The following GSE1 variants were observed in gnomAD, a reference collection of about 807,000 sequenced individuals.
GSE1 encodes the protein genetic suppressor element 1.
In GSE1, 32 loss-of-function variants were observed where a neutral mutation model predicts 112.6. The ratio of observed to expected loss-of-function variants is 0.28; its 90% confidence interval spans 0.21 to 0.38. The LOEUF is 0.38. GSE1 is among the 10% of genes least tolerant of loss of function. The pLI is 1.00. For synonymous variants in GSE1, 1,115 were observed against 735.6 expected, an observed-to-expected ratio of 1.52 and a Z score of -8.35; for missense variants, 2,348 against 1,699.2, an observed-to-expected ratio of 1.38 and a Z score of -6.71.
intron 2 of GSE1, among the ~76,000 whole-genome samples, chr16:85,391,059 G>A (rs2047828340): frequency 6.6e-6 from 1 of 151,600 alleles, no homozygotes; most frequent in Non-Finnish European, 1.5e-5. Flanking sequence ...CTGCTTAGCT[G>A]GTTTGATGCT....
intron 1 of GSE1, among the ~76,000 whole-genome samples, chr16:85,180,156 G>A (rs2074552508): frequency 6.6e-6 from 1 of 152,224 alleles, no homozygotes. Flanking sequence ...CCTGTCTGGC[G>A]TGGAGCCCTT....
chr16:85,459,218 CCA>C (rs2049911193), intron 2 of GSE1, among the ~76,000 whole-genome samples: 1 of 152,236 alleles, frequency 6.6e-6, no homozygotes, highest in South Asian at 2.1e-4. Flanking sequence ...ATTGCAAACG[CCA>C]CCCCCAGGCA....
At chr16:85,329,096 C>G (rs2046286245) in intron 1 of GSE1, among the ~76,000 whole-genome samples, 1 of 152,156 alleles carries the variant, frequency 6.6e-6, no homozygotes, top group African/African-American at 2.4e-5. Context: ...TGAACTCTGC[C>G]CTAGGCTCCT....
At chr16:85,614,198 C>T (rs1450924233) in intron 1 of GSE1, among the ~76,000 whole-genome samples, 3 of 152,076 alleles carry the variant, frequency 2.0e-5, no homozygotes, top group Non-Finnish European at 4.4e-5. Context: ...CCTTCCTGCT[C>T]CGCCTGGATG....
rs200749475 is a variant in GSE1 at position 85,657,307 on chromosome 16, C to T, written c.1343C>T (p.Pro448Leu). The T allele has an allele frequency of 5.3e-4, 848 of 1,591,618 alleles. 3 individuals carry two copies. The highest frequency in any genetic ancestry group is 1.9e-3 in the South Asian group (164 of 88,160). The change falls in exon 8 of 16, where the codon CCC becomes CTC. Residue 448 changes from proline (P) to leucine (L), a missense_variant. By Grantham distance (98) the Pro-to-Leu change is moderately conservative (BLOSUM62 -3). Transcript: ENST00000253458. The stretch of plus-strand genomic sequence containing the variant: ...CTGAAGGATGCCGGCCTGCAGGCGC[C>T]CAAGCCCGTCCAACACCCCTTGCAT... ...EKLKDAGLQA[P>L]KPVQHPLHPV...
intron 2 of GSE1, among the ~76,000 whole-genome samples, chr16:85,485,229 C>G (rs968236119): frequency 6.6e-6 from 1 of 152,238 alleles, no homozygotes; most frequent in Non-Finnish European, 1.5e-5. Context: ...GCCACCCACT[C>G]ACGGTTTCCC....
At position 85,616,550 on chromosome 16, in the gene GSE1, G is replaced by A. The variant is rs539031157; in HGVS notation, c.7+3152G>A. Among the ~76,000 whole-genome samples the A allele has an allele frequency of 4.5e-3, 692 of 152,350 alleles. 10 individuals are homozygous for A. Among genetic ancestry groups the A allele is most frequent in the African/African-American group, 0.016 (666 of 41,576 alleles). ...GTGAATTGTCTCTGTTGTGGCAACA[G>A]CAGGGTCCTCTGAAACCACAGGGCT... On this transcript the variant is annotated intron_variant, in intron 1 of 15. Transcript: ENST00000253458.
chr16:85,189,357 G>T (rs922494340), intron 1 of GSE1, among the ~76,000 whole-genome samples: 1 of 152,092 alleles, frequency 6.6e-6, no homozygotes, highest in Non-Finnish European at 1.5e-5. Flanking sequence ...GCTAAAATTT[G>T]AATTTTTACC....
At position 85,267,430 on chromosome 16, in the gene GSE1, G is replaced by C. The variant is rs902881323; in HGVS notation, c.2284-90033G>C. Among the ~76,000 whole-genome samples, 7 of 152,136 alleles carry C rather than the reference G, an allele frequency of 4.6e-5. 1 individual carries two copies. Among genetic ancestry groups the C allele is most frequent in the Admixed American group, 4.6e-4 (7 of 15,270 alleles). ...TCCCAAGGATACCTGGCATGGAGGG[G>C]CTGGCAGGAAGGAAAGGAGGGCAGT... On this transcript the variant is annotated intron_variant, in intron 1 of 2. Transcript: ENST00000637419.
chr16:85,434,333 A>ATC (rs1567483786), intron 2 of GSE1, among the ~76,000 whole-genome samples: 1 of 110,108 alleles, frequency 9.1e-6, no homozygotes, highest in Non-Finnish European at 2.0e-5. Context: ...TAATAATAAT[A>ATC]ATAATAATAA....
intron 2 of GSE1, among the ~76,000 whole-genome samples, chr16:85,547,652 G>T (rs933712200): frequency 6.6e-6 from 1 of 152,036 alleles, no homozygotes; most frequent in African/African-American, 2.4e-5. Context: ...AGGCCGGGGA[G>T]GGTGTATCAC....
chr16:85,368,375 C>T (rs2047229509), intron 2 of GSE1, among the ~76,000 whole-genome samples: 1 of 152,142 alleles, frequency 6.6e-6, no homozygotes, highest in East Asian at 1.9e-4. Flanking sequence ...GCCTGTTTCA[C>T]AACTGATTAG....
chr16:85,613,341 C>T lies in GSE1; in HGVS notation c.-51C>T, dbSNP rs368496384. On this transcript the variant is annotated 5_prime_UTR_variant, in exon 1 of 16. Transcript: ENST00000253458. ...ATAAGCAGTTTAGACAAACACTGGGCGACGGTGGCTCCAGCATGTATCAGC... is the reference window on the plus strand; with the variant it reads ...ATAAGCAGTTTAGACAAACACTGGGTGACGGTGGCTCCAGCATGTATCAGC... 3 of 1,561,076 alleles carry T rather than the reference C, an allele frequency of 1.9e-6. No homozygotes were observed. Among genetic ancestry groups the T allele is most frequent in the South Asian group, 1.2e-5 (1 of 84,880 alleles).
intron 1 of GSE1, among the ~76,000 whole-genome samples, chr16:85,229,803 C>G (rs2075550957): frequency 6.6e-6 from 1 of 152,188 alleles, no homozygotes; most frequent in Non-Finnish European, 1.5e-5. Context: ...TCTCTTGGTC[C>G]TTTTCTCATG....
intron 2 of GSE1, among the ~76,000 whole-genome samples, chr16:85,461,570 C>T (rs540599061): frequency 2.5e-4 from 38 of 152,230 alleles, no homozygotes; most frequent in Non-Finnish European, 4.4e-5. Flanking sequence ...GCGAGGGGTT[C>T]GAGACCCCCT....
At chr16:85,287,271 C>A (rs2045060897) in intron 1 of GSE1, among the ~76,000 whole-genome samples, 2 of 152,218 alleles carry the variant, frequency 1.3e-5, no homozygotes, top group Non-Finnish European at 2.9e-5. Flanking sequence ...CCCAGGGTGG[C>A]CTTTCGGGCT....
At chr16:85,499,227 A>T (rs2051280741) in intron 2 of GSE1, among the ~76,000 whole-genome samples, 1 of 150,684 alleles carries the variant, frequency 6.6e-6, no homozygotes, top group South Asian at 2.1e-4. Context: ...TGCGGCATGA[A>T]GGACAACCCA....
At chr16:85,427,885 A>G (rs921323303) in intron 2 of GSE1, among the ~76,000 whole-genome samples, 9 of 152,184 alleles carry the variant, frequency 5.9e-5, no homozygotes, top group Non-Finnish European at 1.0e-4. Context: ...TCCTGTTACT[A>G]TTTCAGCACA....
chr16:85,603,006 G>A (rs2047533337), intron 1 of GSE1, among the ~76,000 whole-genome samples: 1 of 152,226 alleles, frequency 6.6e-6, no homozygotes, highest in Non-Finnish European at 1.5e-5. Flanking sequence ...GCCTGCCAGG[G>A]TCACAGCTGG....
Sources: allele counts gnomAD v4.1 joint callset (sites outside exome capture counted in the v4.1 genomes callset), GRCh38; gene constraint gnomAD v4.1.1; transcripts MANE v1.5; gene names NCBI Gene and HGNC (gene_info 2026-07-23, HGNC 2026-07-21).